GGA2: variants seen among roughly 807,000 people sequenced by gnomAD.
GGA2 encodes the protein ADP-ribosylation factor-binding protein GGA2.
In GGA2, 48 loss-of-function variants were observed where a neutral mutation model predicts 79.5. That is an observed-to-expected ratio of 0.60 (90% CI 0.48 to 0.77). The LOEUF (loss-of-function observed/expected upper bound fraction) is 0.77, where lower values mean the gene tolerates loss of function less well. Among genes scored for constraint, GGA2 ranks in the 30% least tolerant of loss-of-function variants. GGA2 has a pLI of 0.00. For synonymous variants in GGA2, 317 were observed against 302.0 expected, an observed-to-expected ratio of 1.05 and a Z score of -0.51; for missense variants, 770 against 774.0, an observed-to-expected ratio of 0.99 and a Z score of 0.06.
chr16:23,472,733 T>A (rs890292455), intron 14 of GGA2, among the ~76,000 whole-genome samples: 33 of 147,262 alleles, frequency 2.2e-4, no homozygotes, highest in South Asian at 8.8e-4. Context: ...TAAAATAATT[T>A]AAAAAAAAAG....
chr16:23,512,505 T>C (rs750759593), upstream of GGA2, among the ~76,000 whole-genome samples: 19 of 152,108 alleles, frequency 1.2e-4, no homozygotes, highest in Non-Finnish European at 2.4e-4. Flanking sequence ...GATAACTGAA[T>C]AGCAATGGGT....
At chr16:23,480,094 C>T in intron 10 of GGA2, 1 of 546,488 alleles carries the variant, frequency 1.8e-6, no homozygotes, top group South Asian at 2.0e-5. Flanking sequence ...TGCCTTCCTA[C>T]CCCAGGGATC....
At chr16:23,502,194 C>T (rs1246000253) in intron 1 of GGA2, among the ~76,000 whole-genome samples, 1 of 152,180 alleles carries the variant, frequency 6.6e-6, no homozygotes, top group Non-Finnish European at 1.5e-5. Context: ...GGCATCGGGG[C>T]AAGGCTGTCA....
At chr16:23,493,232 C>T (rs534911366) in intron 4 of GGA2, 128 bp downstream of exon 4, 128 of 658,676 alleles carry the variant, frequency 1.9e-4, no homozygotes, top group Admixed American at 8.9e-5. Flanking sequence ...GAGAGGAGAG[C>T]GCTTCTTTCA....
At chr16:23,519,017 G>A (rs953964043) in intron 2 of GGA2, among the ~76,000 whole-genome samples, 6 of 149,508 alleles carry the variant, frequency 4.0e-5, no homozygotes, top group Admixed American at 1.3e-4. Context: ...CTATAAAAAT[G>A]TAATTTTCTA....
intron 9 of GGA2, 72 bp downstream of exon 9, chr16:23,482,851 G>T: frequency 1.1e-6 from 1 of 899,878 alleles, no homozygotes; most frequent in Non-Finnish European, 1.9e-6. Flanking sequence ...TCCTGGCACA[G>T]CAGTGTGACA....
At chr16:23,475,202 T>TC in intron 13 of GGA2, 141 bp from the exon 14 acceptor site, 1 of 532,404 alleles carries the variant, frequency 1.9e-6, no homozygotes, top group African/African-American at 2.0e-5. Context: ...TTTTTTTTTT[T>TC]TTTTTGATAC....
At chr16:23,470,235 G>A in intron 14 of GGA2, 70 bp from the exon 15 acceptor site, 1 of 1,205,100 alleles carries the variant, frequency 8.3e-7, no homozygotes, top group East Asian at 2.5e-5. Flanking sequence ...GCTGGAAAGA[G>A]ATGTACATGT....
intron 1 of GGA2, among the ~76,000 whole-genome samples, chr16:23,507,431 C>A (rs1276680546): frequency 6.6e-6 from 1 of 152,198 alleles, no homozygotes; most frequent in African/African-American, 2.4e-5. Flanking sequence ...AGTTTGAGAC[C>A]AGCCTGACAA....
upstream of GGA2, chr16:23,510,629 A>C: frequency 2.6e-6 from 1 of 378,104 alleles, no homozygotes. Flanking sequence ...TTCTAAGACC[A>C]CTCACCGTAC....
chr16:23,478,956 T>A, intron 11 of GGA2, 45 bp from the exon 12 acceptor site: 1 of 1,327,622 alleles, frequency 7.5e-7, no homozygotes, highest in Non-Finnish European at 1.1e-6. Context: ...TAACTCCACC[T>A]GCTTCCAGAT....
chr16:23,478,627 G>C (rs1379963769), intron 12 of GGA2, 126 bp from the exon 13 acceptor site: 2 of 933,610 alleles, frequency 2.1e-6, no homozygotes, highest in Non-Finnish European at 3.5e-6. Flanking sequence ...CATCTCTTGG[G>C]GCAAGAGGGG....
At chr16:23,490,493 G>C (rs1027514762) in intron 5 of GGA2, among the ~76,000 whole-genome samples, 1 of 152,058 alleles carries the variant, frequency 6.6e-6, no homozygotes, top group African/African-American at 2.4e-5. Context: ...CCAGCACTTT[G>C]GGAGGCTGAG....
chr16:23,507,299 A>AG (rs1242581920), intron 1 of GGA2, among the ~76,000 whole-genome samples: 1 of 152,164 alleles, frequency 6.6e-6, no homozygotes, highest in Admixed American at 6.6e-5. Context: ...CAAAAGCTGG[A>AG]GCTTAATACA....
upstream of GGA2, chr16:23,522,761 G>T (rs1448342813): frequency 6.6e-6 from 1 of 152,154 alleles, no homozygotes; most frequent in Non-Finnish European, 1.5e-5. Context: ...CACAGTTCAT[G>T]TGTGTCTGAC....
chr16:23,514,128 T>C (rs6497667), upstream of GGA2, among the ~76,000 whole-genome samples: 12,452 of 152,100 alleles, frequency 0.082, 906 homozygotes, highest in African/African-American at 0.19. Flanking sequence ...TGAAACTTTT[T>C]TTGATGAAGT....
At chr16:23,506,483 T>C (rs1192065314) in intron 1 of GGA2, among the ~76,000 whole-genome samples, 2 of 152,100 alleles carry the variant, frequency 1.3e-5, no homozygotes, top group African/African-American at 4.8e-5. Flanking sequence ...AGTGATCCCA[T>C]CCCACTCAAC....
rs543759550 is a variant in GGA2 at position 23,478,953 on chromosome 16, A to G, written c.1130-42T>C. On this transcript the variant is annotated intron_variant, in intron 11 of 16. Coordinates refer to ENST00000309859, the MANE Select transcript of GGA2 (RefSeq NM_015044.4). ...GAGTGAGATGCCTAACAGTAACTCC[A>G]CCTGCTTCCAGATGAAGAGTAATGC... The G allele has an allele frequency of 4.3e-6, 6 of 1,388,240 alleles. No homozygotes were observed. In the East Asian group the frequency reaches 9.1e-5, roughly 21 times the overall value. 86.0% of individuals were successfully genotyped at this position (1,388,240 alleles called of 1,614,324 possible). A position where few individuals can be genotyped will look rare whatever the true frequency, so the allele number is the denominator to read the frequency against.
chr16:23,500,010 C>G (rs538992168), intron 1 of GGA2, among the ~76,000 whole-genome samples: 1 of 152,366 alleles, frequency 6.6e-6, no homozygotes, highest in South Asian at 2.1e-4. Flanking sequence ...GCAGGGCAAC[C>G]TCCTTCAGTT....
Sources: gnomAD v4.1 joint callset for allele counts (sites outside exome capture counted in the v4.1 genomes callset) on GRCh38, gnomAD v4.1.1 for gene constraint, MANE v1.5 for transcripts, NCBI Gene and HGNC (gene_info 2026-07-23, HGNC 2026-07-21) for gene names.